IBTK: variants seen among roughly 807,000 people sequenced by gnomAD.
The protein encoded by IBTK is BTK-binding protein.
In IBTK, 83 loss-of-function variants were observed where a neutral mutation model predicts 154.9. That is an observed-to-expected ratio of 0.54 (90% CI 0.45 to 0.64). The LOEUF is 0.64. Among genes scored for constraint, IBTK ranks in the 30% least tolerant of loss-of-function variants. The pLI, the probability that IBTK is intolerant of heterozygous loss-of-function variation, is 0.00. For missense variants in IBTK, 1,332 were observed against 1,584.6 expected, an observed-to-expected ratio of 0.84 and a Z score of 2.71; for synonymous variants, 515 against 536.1, an observed-to-expected ratio of 0.96 and a Z score of 0.54.
intron 13 of IBTK, 48 bp downstream of exon 13, chr6:82,212,659 A>G (rs1769695742): frequency 1.6e-6 from 2 of 1,220,630 alleles, no homozygotes; most frequent in African/African-American, 3.0e-5. Context: ...TCCACACTTA[A>G]GTGCCAAAAT....
intron 17 of IBTK, among the ~76,000 whole-genome samples, chr6:82,203,361 C>G (rs1295602264): frequency 6.6e-6 from 1 of 152,054 alleles, no homozygotes; most frequent in Non-Finnish European, 1.5e-5. Context: ...CACTATTTTT[C>G]TTAATTACTC....
chr6:82,217,873 A>G (rs1769928784), intron 10 of IBTK, 87 bp downstream of exon 10: 2 of 871,984 alleles, frequency 2.3e-6, no homozygotes, highest in Admixed American at 3.2e-5. Flanking sequence ...GTAAAACCTA[A>G]TAACACTTGT....
intron 26 of IBTK, among the ~76,000 whole-genome samples, chr6:82,178,983 T>C (rs1323300489): frequency 6.6e-6 from 1 of 152,234 alleles, no homozygotes; most frequent in South Asian, 2.1e-4. Context: ...AAGAATGCTA[T>C]AGCTTTTCTC....
At chr6:82,192,086 A>G (rs2127803307) in intron 23 of IBTK, among the ~76,000 whole-genome samples, 1 of 152,308 alleles carries the variant, frequency 6.6e-6, no homozygotes, top group South Asian at 2.1e-4. Flanking sequence ...TATATATCCA[A>G]AATGTTAAGT....
intron 5 of IBTK, among the ~76,000 whole-genome samples, chr6:82,226,331 C>G (rs1770296606): frequency 6.6e-6 from 1 of 152,120 alleles, no homozygotes; most frequent in Non-Finnish European, 1.5e-5. Flanking sequence ...ATAGCTTTCC[C>G]TCTTTTTAAA....
chr6:82,246,718 CAAAT>C (rs1281229806), intron 1 of IBTK, among the ~76,000 whole-genome samples: 2 of 152,046 alleles, frequency 1.3e-5, no homozygotes, highest in Non-Finnish European at 2.9e-5. Context: ...ATTTCTAAAA[CAAAT>C]AAAAGTTAAG....
chr6:82,231,666 A>G (rs372437535), intron 4 of IBTK, 52 bp downstream of exon 4: 1 of 1,401,074 alleles, frequency 7.1e-7, no homozygotes, highest in African/African-American at 1.4e-5. Flanking sequence ...ACAATCAAAT[A>G]CAAAAGTTCT....
intron 23 of IBTK, among the ~76,000 whole-genome samples, chr6:82,193,979 G>C (rs1768885194): frequency 6.6e-6 from 1 of 151,924 alleles, no homozygotes; most frequent in South Asian, 2.1e-4. Flanking sequence ...ACCATGCCCA[G>C]CCTTCATTTG....
chr6:82,220,603 T>A lies in IBTK; in HGVS notation c.1235A>T (p.Asp412Val). ...ACATGTACTTACCCTTCCAGCTCCA[T>A]CCATTGCAAGAATGCAAATTTTTTG... ...GGQKICILAM[D>V]GAGRVFCWRS... is the part of the protein sequence containing the mutation. The change falls in exon 9 of 29, where the codon GAT becomes GTT. Residue 412 changes from aspartate to valine, a missense_variant. Physicochemically the swap from Asp to Val is radical, Grantham distance 152 (BLOSUM62 -3). This residue lies in a region of IBTK where 1,134 missense variants were observed against 1,274.7 expected (regional missense o/e 0.89). Coordinates refer to ENST00000306270, the MANE Select transcript of IBTK (RefSeq NM_015525.4). 1 of 1,611,434 alleles carries A rather than the reference T, an allele frequency of 6.2e-7. No individual in the cohort carries two copies. The highest frequency in any genetic ancestry group is 8.5e-7 in the Non-Finnish European group (1 of 1,179,202).
chr6:82,245,985 A>C (rs1771129145), intron 1 of IBTK, among the ~76,000 whole-genome samples: 1 of 152,226 alleles, frequency 6.6e-6, no homozygotes, highest in African/African-American at 2.4e-5. Context: ...TACATTATAC[A>C]CAGTGCTCTA....
At chr6:82,218,697 A>AATGATGAGAGATGGGGTGTCAGGCTT (rs1769963218) in intron 9 of IBTK, among the ~76,000 whole-genome samples, 1 of 152,164 alleles carries the variant, frequency 6.6e-6, no homozygotes, top group Admixed American at 6.5e-5. Context: ...AGGGATGGAG[A>AATGATGAGAGATGGGGTGTCAGGCTT]ATGATGAGAG....
intron 4 of IBTK, among the ~76,000 whole-genome samples, chr6:82,229,829 C>G (rs1273971889): frequency 2.6e-5 from 4 of 152,136 alleles, no homozygotes; most frequent in Admixed American, 2.6e-4. Context: ...CTACTCCCTA[C>G]TTCTCTAGCC....
chr6:82,207,957 G>A (rs867075985), intron 16 of IBTK, among the ~76,000 whole-genome samples: 2 of 151,966 alleles, frequency 1.3e-5, no homozygotes, highest in African/African-American at 2.4e-5. Context: ...TAGAGGTCAG[G>A]GGATTAGGGT....
At position 82,200,123 on chromosome 6, in the gene IBTK, T is replaced by C. The variant is rs1164651683; in HGVS notation, c.3025+18A>G. The C allele has an allele frequency of 7.0e-7, 1 of 1,420,044 alleles. No homozygotes were observed. The highest frequency in any genetic ancestry group is 9.9e-7 in the Non-Finnish European group (1 of 1,010,256). 88.0% of individuals were successfully genotyped at this position (1,420,044 alleles called of 1,614,324 possible). A position where few individuals can be genotyped will look rare whatever the true frequency, so the allele number is the denominator to read the frequency against. On this transcript the variant is annotated intron_variant, in intron 21 of 28. Coordinates refer to ENST00000306270, the MANE Select transcript of IBTK (RefSeq NM_015525.4). ...ATAGAAGATTAGAACTGGAAATACA[T>C]GCTCACTTTCCACGAACCTGTAGAT...
chr6:82,196,812 T>C (rs1582203764), intron 21 of IBTK, among the ~76,000 whole-genome samples: 4 of 152,320 alleles, frequency 2.6e-5, no homozygotes, highest in Admixed American at 2.6e-4. Context: ...CTCTTTTCCC[T>C]TTCTCATCTG....
At chr6:82,225,764 T>C in intron 5 of IBTK, 117 bp from the exon 6 acceptor site, 1 of 708,308 alleles carries the variant, frequency 1.4e-6, no homozygotes, top group Non-Finnish European at 2.3e-6. Context: ...TACATGGCTG[T>C]ATCTATCATA....
chr6:82,200,401 T>A, intron 20 of IBTK, 148 bp from the exon 21 acceptor site: 1 of 753,784 alleles, frequency 1.3e-6, no homozygotes, highest in South Asian at 1.9e-5. Flanking sequence ...TAATTATGTA[T>A]TTACTTTGTA....
chr6:82,234,522 G>C (rs753816929), intron 2 of IBTK, among the ~76,000 whole-genome samples: 89 of 151,654 alleles, frequency 5.9e-4, no homozygotes, highest in Non-Finnish European at 1.1e-3. Flanking sequence ...ATTTTTAGTA[G>C]AGACAGGGTT....
rs546750787 is a variant in IBTK, at chr6:82,202,620, T to C, written c.2637A>G (p.Leu879=). ...CACTATACATTGCTGCAAATTCCAG[T>C]AGCATAGCAGCATTCTTCAGGGTAA... ...EKLTLKNAAM[L]LEFAAMYSAK... The change falls in exon 18 of 29, where the codon CTA becomes CTG. Residue 879 remains leucine (L), a synonymous_variant. Coordinates refer to ENST00000306270, the MANE Select transcript of IBTK (RefSeq NM_015525.4). The C allele has an allele frequency of 5.0e-6, 8 of 1,602,512 alleles. No homozygotes were observed. Among genetic ancestry groups the C allele is most frequent in the South Asian group, 3.4e-5 (3 of 89,106 alleles).
Sources: allele counts gnomAD v4.1 joint callset (sites outside exome capture counted in the v4.1 genomes callset), GRCh38; gene constraint gnomAD v4.1.1; regional missense constraint gnomAD v4.1.1; transcripts MANE v1.5; gene names NCBI Gene and HGNC (gene_info 2026-07-23, HGNC 2026-07-21).